NUDCD2: variants seen among roughly 807,000 people sequenced by gnomAD.
NUDCD2 encodes the protein nudC domain-containing protein 2.
Under a neutral mutation model 20.8 loss-of-function variants are expected in NUDCD2, and 16 were observed. The ratio of observed to expected loss-of-function variants is 0.77; its 90% confidence interval spans 0.52 to 1.17. The LOEUF is 1.17. NUDCD2 is among the 50% of genes most tolerant of loss of function. The probability of loss-of-function intolerance (pLI) is 0.00; values close to 1 mark genes in which losing one functional copy is unlikely to be tolerated. For missense variants in NUDCD2, 199 were observed against 193.9 expected (o/e 1.03, Z -0.16); for synonymous variants, 87 against 72.8 (o/e 1.20, Z -1.00).
At chr5:163,459,825 A>T (rs1467996366) in intron 1 of NUDCD2, 37 bp downstream of exon 1, 1 of 1,551,922 alleles carries the variant, frequency 6.4e-7, no homozygotes, top group African/African-American at 1.4e-5. Context: ...GGCGTCTGGG[A>T]AGAGGAAACT....
rs1758101143 is a variant in NUDCD2, at chr5:163,448,555, C to T, written c.*5412G>A. The T allele has an allele frequency of 2.0e-5, 3 of 152,070 alleles. No individual in the cohort carries two copies. The highest frequency in any genetic ancestry group is 2.0e-4 in the Admixed American group (3 of 15,264). The allele number at this position is 152,070 out of a possible 1,614,324, so 9.4% of individuals were successfully genotyped here. A position where few individuals can be genotyped will look rare whatever the true frequency, so the allele number is the denominator to read the frequency against. On this transcript the variant is annotated 3_prime_UTR_variant, in exon 4 of 4. Coordinates refer to ENST00000302764, the MANE Select transcript of NUDCD2 (RefSeq NM_145266.6). ...AAACCTTACTAGCAAATTCATAAAA[C>T]ATTTAAAGATATAACAAATTCTACA...
At position 163,448,505 on chromosome 5, in the gene NUDCD2, T is replaced by C. The variant is rs1758100136; in HGVS notation, c.*5462A>G. On this transcript the variant is annotated 3_prime_UTR_variant, in exon 4 of 4. Coordinates refer to ENST00000302764, the MANE Select transcript of NUDCD2 (RefSeq NM_145266.6). ...TAAATAAACCTCAATAAATTCTCTA[T>C]TTTTAAAAATTGAACCATTGTTTAA... The C allele has an allele frequency of 6.6e-6, 1 of 152,160 alleles. No individual in the cohort carries two copies. The highest frequency in any genetic ancestry group is 1.5e-5 in the Non-Finnish European group (1 of 68,012). The allele number at this position is 152,160 out of a possible 1,614,324, so 9.4% of individuals were successfully genotyped here. A position where few individuals can be genotyped will look rare whatever the true frequency, so the allele number is the denominator to read the frequency against.
chr5:163,456,214 C>T (rs917995712), intron 3 of NUDCD2, among the ~76,000 whole-genome samples: 2 of 152,098 alleles, frequency 1.3e-5, no homozygotes, highest in Non-Finnish European at 2.9e-5. Flanking sequence ...ATCATAAAGA[C>T]GTACATTATC....
Position 163,460,090 on chromosome 5 carries a change from C to G in NUDCD2, c.-40G>C, listed in dbSNP as rs759430271. ...CGGCCGCGGCCGCACCAGGCGGAGC[C>G]GAGCGCACGCGCGGAATCCCACGCT... On this transcript the variant is annotated 5_prime_UTR_variant, in exon 1 of 4. Coordinates refer to ENST00000302764, the MANE Select transcript of NUDCD2 (RefSeq NM_145266.6). The G allele has an allele frequency of 8.0e-6, 12 of 1,498,976 alleles. No homozygotes were observed. The highest frequency in any genetic ancestry group is 2.7e-5 in the South Asian group (2 of 74,920). 92.9% of individuals were successfully genotyped at this position (1,498,976 alleles called of 1,614,324 possible).
chr5:163,450,266 AAG>A lies in NUDCD2; in HGVS notation c.*3699_*3700del, dbSNP rs1758145232. On this transcript the variant is annotated 3_prime_UTR_variant, in exon 4 of 4. Coordinates refer to ENST00000302764, the MANE Select transcript of NUDCD2 (RefSeq NM_145266.6). ...ACAGAGTGAGAATGTGAGTCAAAAAAAGAAAAAAGAAAAATTCCTCATGACCT... is the reference window on the plus strand; with the variant it reads ...ACAGAGTGAGAATGTGAGTCAAAAAAAAAAAAGAAAAATTCCTCATGACCT... 6.6e-6 allele frequency: 1 copy of A among 152,200 alleles called. No homozygotes were observed. Among genetic ancestry groups the A allele is most frequent in the Non-Finnish European group, 1.5e-5 (1 of 68,060 alleles). The allele number at this position is 152,200 out of a possible 1,614,324, so 9.4% of individuals were successfully genotyped here.
chr5:163,455,225 A>G (rs899014387), intron 3 of NUDCD2, among the ~76,000 whole-genome samples: 1 of 152,222 alleles, frequency 6.6e-6, no homozygotes, highest in Non-Finnish European at 1.5e-5. Flanking sequence ...GAGCAATGAT[A>G]TGAAAACATA....
rs1456889178 is a variant in NUDCD2, at chr5:163,453,898, A to T, written c.*69T>A. The T allele has an allele frequency of 6.4e-6, 5 of 785,318 alleles. No individual in the cohort carries two copies. The highest frequency in any genetic ancestry group is 7.9e-6 in the Non-Finnish European group (4 of 508,832). The allele number at this position is 785,318 out of a possible 1,614,324, so 48.6% of individuals were successfully genotyped here. A position where few individuals can be genotyped will look rare whatever the true frequency, so the allele number is the denominator to read the frequency against. On this transcript the variant is annotated 3_prime_UTR_variant, in exon 4 of 4. Coordinates refer to ENST00000302764, the MANE Select transcript of NUDCD2 (RefSeq NM_145266.6). ...TAGGCATCCGCATTTTTCTTCCATT[A>T]CATAATCTGTTTATCTGATTAAGTT...
At position 163,453,928 on chromosome 5, in the gene NUDCD2, A is replaced by G. The variant is rs1300460796; in HGVS notation, c.*39T>C. 4.3e-6 allele frequency: 5 copies of G among 1,173,286 alleles called. No individual in the cohort carries two copies. Among genetic ancestry groups the G allele is most frequent in the African/African-American group, 1.6e-5 (1 of 64,188 alleles). The allele number at this position is 1,173,286 out of a possible 1,614,324, so 72.7% of individuals were successfully genotyped here. On this transcript the variant is annotated 3_prime_UTR_variant, in exon 4 of 4. Transcript: ENST00000302764. The stretch of plus-strand genomic sequence containing the variant: ...ATCTGTTTATCTGATTAAGTTGGCA[A>G]TATCTGCTAGGATCCACAGAATGCA...
At position 163,453,941 on chromosome 5, in the gene NUDCD2, T is replaced by C. The variant is rs1368156489; in HGVS notation, c.*26A>G. The C allele has an allele frequency of 7.5e-7, 1 of 1,340,732 alleles. No individual in the cohort carries two copies. The allele number at this position is 1,340,732 out of a possible 1,614,324, so 83.1% of individuals were successfully genotyped here. On this transcript the variant is annotated 3_prime_UTR_variant, in exon 4 of 4. Transcript: ENST00000302764. The stretch of plus-strand genomic sequence containing the variant: ...ATTAAGTTGGCAATATCTGCTAGGA[T>C]CCACAGAATGCAGGAAAAAAAGCAG...
At chr5:163,457,471 G>T in intron 2 of NUDCD2, 91 bp downstream of exon 2, 1 of 801,546 alleles carries the variant, frequency 1.2e-6, no homozygotes, top group Non-Finnish European at 2.1e-6. Flanking sequence ...ATCTTTCAAA[G>T]CTGCAAAGAC....
At chr5:163,457,976 TGTC>T (rs1157741664) in intron 1 of NUDCD2, among the ~76,000 whole-genome samples, 3 of 132,790 alleles carry the variant, frequency 2.3e-5, no homozygotes, top group Admixed American at 9.0e-5. Context: ...TAAAAAATGT[TGTC>T]TTTTTTTTTT....
chr5:163,457,360 CTTCA>C (rs1267501375), intron 2 of NUDCD2, among the ~76,000 whole-genome samples, 198 bp downstream of exon 2: 2 of 151,728 alleles, frequency 1.3e-5, no homozygotes, highest in African/African-American at 4.9e-5. Flanking sequence ...TCAAGAAGTT[CTTCA>C]TTAAATTTTA....
At position 163,448,097 on chromosome 5, in the gene NUDCD2, T is replaced by TG. The variant is rs951403626; in HGVS notation, c.*5869dup. The stretch of plus-strand genomic sequence containing the variant: ...GATCATGACCCCACGAGTTTGAGGC[T>TG]GCAGTGAGCTATGATCATAACACTA... On this transcript the variant is annotated 3_prime_UTR_variant, in exon 4 of 4. Coordinates refer to ENST00000302764, the MANE Select transcript of NUDCD2 (RefSeq NM_145266.6). 6.6e-6 allele frequency: 1 copy of TG among 151,526 alleles called. No individual in the cohort carries two copies. The highest frequency in any genetic ancestry group is 6.6e-5 in the Admixed American group (1 of 15,194). 9.4% of individuals were successfully genotyped at this position (151,526 alleles called of 1,614,324 possible).
In NUDCD2 at chr5:163,453,065, T is replaced by C. The variant is rs890715534; in HGVS notation, c.*902A>G. On this transcript the variant is annotated 3_prime_UTR_variant, in exon 4 of 4. Coordinates refer to ENST00000302764, the MANE Select transcript of NUDCD2 (RefSeq NM_145266.6). ...TTGCATTGTAGTCATGTAAGATAAT[T>C]TGAAGCAGATAGTAATCAGTAATGA... 2 of 152,188 alleles carry C rather than the reference T, an allele frequency of 1.3e-5. No individual in the cohort carries two copies. The highest frequency in any genetic ancestry group is 4.8e-5 in the African/African-American group (2 of 41,428). The allele number at this position is 152,188 out of a possible 1,614,324, so 9.4% of individuals were successfully genotyped here.
In NUDCD2 at chr5:163,447,217, CA is replaced by C. The variant is rs529855638; in HGVS notation, c.*6749del. On this transcript the variant is annotated 3_prime_UTR_variant, in exon 4 of 4. Coordinates refer to ENST00000302764, the MANE Select transcript of NUDCD2 (RefSeq NM_145266.6). ...CTGTAATTCCAATGCTTTGGGAAGC[CA>C]AGGTGGGAGGATTGCTTGAGGCCAA... 416 of 152,612 alleles carry C rather than the reference CA, an allele frequency of 2.7e-3. 3 individuals are homozygous for C. Among genetic ancestry groups the C allele is most frequent in the South Asian group, 8.3e-3 (44 of 5,322 alleles). The allele number at this position is 152,612 out of a possible 1,614,324, so 9.5% of individuals were successfully genotyped here.
At chr5:163,458,327 G>C (rs1458181694) in intron 1 of NUDCD2, among the ~76,000 whole-genome samples, 1 of 151,958 alleles carries the variant, frequency 6.6e-6, no homozygotes. Context: ...TAATCTTTTT[G>C]TTGGGCAATC....
At chr5:163,454,675 C>T (rs1758258280) in intron 3 of NUDCD2, among the ~76,000 whole-genome samples, 1 of 152,104 alleles carries the variant, frequency 6.6e-6, no homozygotes, top group African/African-American at 2.4e-5. Flanking sequence ...TTCTATATGC[C>T]ACACAAATTT....
chr5:163,451,049 TTA>T lies in NUDCD2; in HGVS notation c.*2916_*2917del, dbSNP rs1758164085. ...GAAGCCAGTAACCAAAGACCACGTA[TTA>T]TGATTCCATGTACATGAAATGTCCA... On this transcript the variant is annotated 3_prime_UTR_variant, in exon 4 of 4. Coordinates refer to ENST00000302764, the MANE Select transcript of NUDCD2 (RefSeq NM_145266.6). 1 of 152,176 alleles carries T rather than the reference TTA, an allele frequency of 6.6e-6. No homozygotes were observed. Among genetic ancestry groups the T allele is most frequent in the South Asian group, 2.1e-4 (1 of 4,832 alleles). The allele number at this position is 152,176 out of a possible 1,614,324, so 9.4% of individuals were successfully genotyped here.
rs1046468166 is a variant in NUDCD2, at chr5:163,447,269, T to A, written c.*6698A>T. 6.6e-6 allele frequency: 1 copy of A among 152,528 alleles called. No homozygotes were observed. The highest frequency in any genetic ancestry group is 2.4e-5 in the African/African-American group (1 of 41,426). The allele number at this position is 152,528 out of a possible 1,614,324, so 9.4% of individuals were successfully genotyped here. A position where few individuals can be genotyped will look rare whatever the true frequency, so the allele number is the denominator to read the frequency against. On this transcript the variant is annotated 3_prime_UTR_variant, in exon 4 of 4. Coordinates refer to ENST00000302764, the MANE Select transcript of NUDCD2 (RefSeq NM_145266.6). ...GAGTTCAAGACCAGCCTACTCAACA[T>A]AGGGAGACCCTATCTCTACAAAAAA... is the stretch of plus-strand genomic sequence containing the variant.
Sources: allele counts gnomAD v4.1 joint callset (sites outside exome capture counted in the v4.1 genomes callset), GRCh38; gene constraint gnomAD v4.1.1; transcripts MANE v1.5; gene names NCBI Gene and HGNC (gene_info 2026-07-23, HGNC 2026-07-21).